Variants in CCDC146 observed in about 807,000 individuals in gnomAD.
The protein encoded by CCDC146 is coiled-coil domain-containing protein 146.
A neutral mutation model predicts 119.3 loss-of-function variants in CCDC146; 92 were observed. That is an observed-to-expected ratio of 0.77 (90% confidence interval 0.65 to 0.92). The LOEUF (loss-of-function observed/expected upper bound fraction) is 0.92, where lower values mean the gene tolerates loss of function less well. Among genes scored for constraint, CCDC146 ranks in the 40% least tolerant of loss-of-function variants. The pLI is 0.00. For synonymous variants in CCDC146, 372 were observed against 371.8 expected, an observed-to-expected ratio of 1.00 and a Z score of -0.01; for missense variants, 1,000 against 1,103.0, an observed-to-expected ratio of 0.91 and a Z score of 1.32.
intron 2 of CCDC146, among the ~76,000 whole-genome samples, chr7:77,203,742 C>T (rs1792036722): frequency 6.6e-6 from 1 of 152,170 alleles, no homozygotes; most frequent in African/African-American, 2.4e-5. Context: ...TCAGAATCTT[C>T]CTTACTACCC....
intron 1 of CCDC146, among the ~76,000 whole-genome samples, chr7:77,132,396 G>C (rs113356868): frequency 6.6e-6 from 1 of 151,684 alleles, no homozygotes. Flanking sequence ...TTTATCTCTC[G>C]AATGCAAGAT....
intron 1 of CCDC146, among the ~76,000 whole-genome samples, chr7:77,143,777 C>G (rs1164691786): frequency 1.3e-5 from 2 of 151,620 alleles, no homozygotes; most frequent in Non-Finnish European, 2.9e-5. Flanking sequence ...TGGTCTATAT[C>G]TCTGATTTGG....
In CCDC146 at chr7:77,180,587, A is replaced by G. The variant is rs190704824; in HGVS notation, c.156+12763A>G. Among the ~76,000 whole-genome samples the G allele has an allele frequency of 8.5e-5, 13 of 152,206 alleles. 1 individual carries two copies. The East Asian group carries it at 1.9e-3, about 23-fold the overall frequency. On this transcript the variant is annotated intron_variant, in intron 2 of 18. Transcript: ENST00000285871. ...GTGGCGTGTGCCTGTGGTCTCAGCT[A>G]CTTGGGAGGCTGAGGTCAGAAGATG...
At chr7:77,228,297 T>C (rs938881259) in intron 2 of CCDC146, among the ~76,000 whole-genome samples, 1 of 152,170 alleles carries the variant, frequency 6.6e-6, no homozygotes, top group African/African-American at 2.4e-5. Context: ...TTCCTGATCC[T>C]CTCCCTTCTC....
chr7:77,170,358 C>T (rs968566507), intron 2 of CCDC146, among the ~76,000 whole-genome samples: 23 of 152,114 alleles, frequency 1.5e-4, no homozygotes, highest in Admixed American at 2.0e-4. Flanking sequence ...ATATAACACA[C>T]TTTCTTTATC....
rs758263769 is a variant in CCDC146, at chr7:77,280,527, T to C, written c.1793T>C (p.Met598Thr). 3.9e-5 allele frequency: 63 copies of C among 1,613,708 alleles called. No homozygotes were observed. In the Admixed American group the frequency reaches 1.1e-3, roughly 27 times the overall value. The change falls in exon 14 of 19, where the codon ATG (methionine) becomes ACG (threonine). Residue 598 changes from methionine to threonine, a missense_variant. Physicochemically the swap from Met to Thr is moderately conservative, Grantham distance 81 (BLOSUM62 -1). Coordinates refer to ENST00000285871, the MANE Select transcript of CCDC146 (RefSeq NM_020879.3). ...VRKIVSKLQE[M>T]KEKKEAQLNN... Reference sequence around the variant, plus strand: ...AAAATTGTATCAAAACTTCAGGAAATGAAAGAAAAGAAGGAAGCCCAGTTA... The same window carrying C: ...AAAATTGTATCAAAACTTCAGGAAACGAAAGAAAAGAAGGAAGCCCAGTTA...
chr7:77,171,711 G>A (rs367689348), intron 2 of CCDC146, among the ~76,000 whole-genome samples: 3 of 152,194 alleles, frequency 2.0e-5, no homozygotes, highest in African/African-American at 7.2e-5. Context: ...ATCTTGGCTT[G>A]TAGCCACTCT....
At chr7:77,290,796 T>C (rs1793929947) in intron 17 of CCDC146, among the ~76,000 whole-genome samples, 1 of 152,208 alleles carries the variant, frequency 6.6e-6, no homozygotes, top group African/African-American at 2.4e-5. Flanking sequence ...TGTATAATAA[T>C]CAGTTATTAC....
intron 1 of CCDC146, among the ~76,000 whole-genome samples, chr7:77,137,906 G>A (rs867766879): frequency 1.3e-5 from 2 of 150,608 alleles, no homozygotes; most frequent in African/African-American, 2.4e-5. Flanking sequence ...TGTAACAAAA[G>A]TGCAATAGAC....
chr7:77,130,423 G>A lies in CCDC146; in HGVS notation c.-12+7691G>A, dbSNP rs376191479. Among the ~76,000 whole-genome samples the A allele has an allele frequency of 8.5e-4, 129 of 152,162 alleles. 4 individuals carry two copies. The South Asian group carries it at 0.026, about 31-fold the overall frequency. ...TGCATGTAATGTACAGACCCAAAGA[G>A]CATAGCAAAGGCTTTGAAAACTAAA... On this transcript the variant is annotated intron_variant, in intron 1 of 18. Coordinates refer to ENST00000285871, the MANE Select transcript of CCDC146 (RefSeq NM_020879.3).
intron 14 of CCDC146, among the ~76,000 whole-genome samples, chr7:77,281,773 G>A (rs1793769534): frequency 6.6e-6 from 1 of 152,178 alleles, no homozygotes; most frequent in African/African-American, 2.4e-5. Context: ...TAATGTATAT[G>A]CATAATGTGT....
At chr7:77,166,949 TAAG>T (rs764437069) in intron 1 of CCDC146, among the ~76,000 whole-genome samples, 3 of 152,244 alleles carry the variant, frequency 2.0e-5, no homozygotes, top group Admixed American at 2.0e-4. Context: ...AACTTTCCAA[TAAG>T]GAGTGAATGA....
chr7:77,254,865 A>G (rs1793148149), intron 5 of CCDC146, among the ~76,000 whole-genome samples: 1 of 152,250 alleles, frequency 6.6e-6, no homozygotes, highest in Admixed American at 6.5e-5. Context: ...ATTTTGCTAT[A>G]GCTATCACCC....
intron 2 of CCDC146, among the ~76,000 whole-genome samples, chr7:77,213,627 C>G (rs1792245757): frequency 6.6e-6 from 1 of 152,136 alleles, no homozygotes; most frequent in Non-Finnish European, 1.5e-5. Flanking sequence ...TCACTGCCCT[C>G]CCTCCCATTC....
Position 77,287,436 on chromosome 7 carries a change from A to G in CCDC146, c.2278-4A>G. 6.2e-7 allele frequency: 1 copy of G among 1,613,558 alleles called. No homozygotes were observed. The highest frequency in any genetic ancestry group is 8.5e-7 in the Non-Finnish European group (1 of 1,179,778). ...ATTCCTCTTGAACCAATTTTCAAAC[A>G]TAGCTGGAACTACAACTGGCCAAGA... is the stretch of plus-strand genomic sequence containing the variant. On this transcript the variant is annotated splice_region_variant and splice_polypyrimidine_tract_variant and intron_variant, in intron 16 of 18. Transcript: ENST00000285871.
rs571726346 is a variant in CCDC146, at chr7:77,190,315, G to A, written c.156+22491G>A. Among the ~76,000 whole-genome samples, 3 of 152,304 alleles carry A rather than the reference G, an allele frequency of 2.0e-5. No homozygotes were observed. In the South Asian group the frequency reaches 6.2e-4, roughly 32 times the overall value. On this transcript the variant is annotated intron_variant, in intron 2 of 18. Coordinates refer to ENST00000285871, the MANE Select transcript of CCDC146 (RefSeq NM_020879.3). ...AAATATACCTATACCAGTAAATTCA[G>A]TCACATCTAAAATTGTTTCTTCCTT...
At chr7:77,193,509 T>G (rs919300061) in intron 2 of CCDC146, 4 of 152,220 alleles carry the variant, frequency 2.6e-5, no homozygotes, top group African/African-American at 9.6e-5. Flanking sequence ...CAAGAGCTTA[T>G]TGTGATGACA....
intron 4 of CCDC146, chr7:77,242,329 G>A: frequency 2.0e-6 from 2 of 980,002 alleles, no homozygotes; most frequent in Non-Finnish European, 2.4e-6. Flanking sequence ...AGGGTCACAT[G>A]TCATCTGGCT....
At chr7:77,217,493 C>T (rs988533074) in intron 2 of CCDC146, among the ~76,000 whole-genome samples, 1 of 151,728 alleles carries the variant, frequency 6.6e-6, no homozygotes, top group Non-Finnish European at 1.5e-5. Context: ...TGGAAAATGT[C>T]AGTCAACTAC....
Sources: allele counts gnomAD v4.1 joint callset (sites outside exome capture counted in the v4.1 genomes callset), GRCh38; gene constraint gnomAD v4.1.1; transcripts MANE v1.5; gene names NCBI Gene and HGNC (gene_info 2026-07-23, HGNC 2026-07-21).